Variants in NCR1 observed in about 807,000 individuals in gnomAD.
The protein encoded by NCR1 is natural cytotoxicity triggering receptor 1.
A neutral mutation model predicts 32.5 loss-of-function variants in NCR1; 30 were observed. The observed-to-expected ratio is 0.92, with a 90% CI of 0.69 to 1.25. The LOEUF (loss-of-function observed/expected upper bound fraction) is 1.25. Ranked by LOEUF, NCR1 falls within the 50% of genes most tolerant of loss-of-function variation. NCR1 has a pLI of 0.00. For synonymous variants in NCR1, 169 were observed against 143.4 expected, an observed-to-expected ratio of 1.18 and a Z score of -1.28; for missense variants, 369 against 380.7, an observed-to-expected ratio of 0.97 and a Z score of 0.26.
At chr19:54,930,115 CAAAAAAAAAAAAAAA>C in the NCR1 span, among the ~76,000 whole-genome samples, 3 of 100,564 alleles carry the variant, frequency 3.0e-5, no homozygotes, top group Non-Finnish European at 4.0e-5. Flanking sequence ...GGCTCCGTCT[CAAAAAAAAAAAAAAA>C]AAAAGAAAAC....
chr19:54,933,856 C>T, the NCR1 span: 1 of 899,524 alleles, frequency 1.1e-6, no homozygotes, highest in Non-Finnish European at 1.8e-6. Context: ...CATCCCCTGC[C>T]CTCTGTCCTG....
chr19:54,904,752 G>C (rs188398233), upstream of NCR1, among the ~76,000 whole-genome samples: 1 of 151,930 alleles, frequency 6.6e-6, no homozygotes, highest in Admixed American at 6.6e-5. Flanking sequence ...GGCTGGTCTC[G>C]AACTCCCGAC....
At chr19:54,930,962 G>T in the NCR1 span, among the ~76,000 whole-genome samples, 1 of 152,022 alleles carries the variant, frequency 6.6e-6, no homozygotes, top group African/African-American at 2.4e-5. Context: ...GGCAGAGGCT[G>T]CAGTGAGCTG....
downstream of NCR1, among the ~76,000 whole-genome samples, chr19:54,915,467 C>T (rs1394697049): frequency 1.3e-5 from 2 of 151,970 alleles, no homozygotes; most frequent in Non-Finnish European, 2.9e-5. Flanking sequence ...CTGGCCAACA[C>T]GGTAAAACCC....
chr19:54,909,295 T>A lies in NCR1; in HGVS notation c.406T>A (p.Ser136Thr), dbSNP rs759045498. 113 of 1,614,066 alleles carry A rather than the reference T, an allele frequency of 7.0e-5. 3 individuals are homozygous for A. The South Asian group carries it at 1.2e-3, about 17-fold the overall frequency. The change falls in exon 4 of 7, where the codon TCG (serine) becomes ACG (threonine). Residue 136 changes from serine (S) to threonine (T), a missense_variant. Ser to Thr is a moderately conservative substitution (Grantham distance 58). Transcript: ENST00000291890. ...LSVHPGPEVI[S>T]GEKVTFYCRL... The stretch of plus-strand genomic sequence containing the variant: ...GGTTCATCCTGGACCCGAAGTGATC[T>A]CGGGAGAGAAGGTGACCTTCTACTG...
upstream of NCR1, among the ~76,000 whole-genome samples, chr19:54,905,354 T>C (rs1166870554): frequency 6.6e-6 from 1 of 152,040 alleles, no homozygotes; most frequent in African/African-American, 2.4e-5. Context: ...GAGGATTTAT[T>C]ATTATTATTA....
intron 3 of NCR1, 80 bp from the exon 4 acceptor site, chr19:54,909,165 A>G: frequency 7.3e-7 from 1 of 1,364,440 alleles, no homozygotes; most frequent in East Asian, 2.3e-5. Context: ...GAGAGACTCC[A>G]TCTCTAAAGA....
At chr19:54,911,228 A>T (rs1186710885) in intron 5 of NCR1, among the ~76,000 whole-genome samples, 1 of 151,992 alleles carries the variant, frequency 6.6e-6, no homozygotes, top group Non-Finnish European at 1.5e-5. Context: ...GGGCGCCTGT[A>T]GTCCCAGCTA....
At chr19:54,925,705 A>G in the NCR1 span, among the ~76,000 whole-genome samples, 1 of 152,150 alleles carries the variant, frequency 6.6e-6, no homozygotes, top group East Asian at 1.9e-4. Flanking sequence ...TTACGTTAAA[A>G]TAAGTCACTG....
chr19:54,915,224 T>C (rs1192920647), downstream of NCR1, among the ~76,000 whole-genome samples: 1 of 152,068 alleles, frequency 6.6e-6, no homozygotes, highest in Non-Finnish European at 1.5e-5. Flanking sequence ...GGGAAATATA[T>C]ATCAAATGAG....
At chr19:54,923,916 C>T in the NCR1 span, 3 of 1,605,494 alleles carry the variant, frequency 1.9e-6, no homozygotes, top group African/African-American at 4.0e-5. Flanking sequence ...AATTCATTCT[C>T]AACTACCCAG....
In NCR1 at chr19:54,906,741, A is replaced by C. The variant is rs1371157154; in HGVS notation, c.289A>C (p.Ser97Arg). Reference protein sequence around the residue: ...DMNSRMAGQYSCIYRVGELWS... With the variant: ...DMNSRMAGQYRCIYRVGELWS... ...GAACTCCCGCATGGCAGGGCAATAC[A>C]GCTGCATCTATCGGGTTGGGGAGCT... Residue 97 changes from serine (S) to arginine (R), a missense_variant, in exon 3 of 7, where the codon AGC becomes CGC. Ser to Arg is a moderately radical substitution (Grantham distance 110, BLOSUM62 -1). Coordinates refer to ENST00000291890, the MANE Select transcript of NCR1 (RefSeq NM_004829.7). The C allele has an allele frequency of 6.2e-7, 1 of 1,614,210 alleles. No homozygotes were observed. The highest frequency in any genetic ancestry group is 1.1e-5 in the South Asian group (1 of 91,084).
At chr19:54,935,524 T>C in the NCR1 span, among the ~76,000 whole-genome samples, 6 of 152,042 alleles carry the variant, frequency 3.9e-5, no homozygotes, top group South Asian at 2.1e-4. Flanking sequence ...GGTGAAACCC[T>C]GTCTCTATTA....
At chr19:54,911,005 GA>G (rs1168086729) in intron 5 of NCR1, among the ~76,000 whole-genome samples, 5 of 152,104 alleles carry the variant, frequency 3.3e-5, no homozygotes, top group Admixed American at 6.6e-5. Context: ...GGTTGAAAAT[GA>G]TGTTTGGAAG....
At chr19:54,914,164 CTTT>C (rs533441878), downstream of NCR1, among the ~76,000 whole-genome samples, 1,515 of 124,068 alleles carry the variant, frequency 0.012, 64 homozygotes, top group East Asian at 0.097. Flanking sequence ...TCTTCTCTTC[CTTT>C]TTTTTTTTTT....
the NCR1 span, chr19:54,930,605 C>G: frequency 2.5e-6 from 4 of 1,612,204 alleles, no homozygotes; most frequent in Non-Finnish European, 3.4e-6. Flanking sequence ...AGGCTGCAGG[C>G]TTCTTGGAGC....
chr19:54,918,521 G>A (rs937956922), downstream of NCR1, among the ~76,000 whole-genome samples: 5 of 151,972 alleles, frequency 3.3e-5, no homozygotes, highest in South Asian at 2.1e-4. Flanking sequence ...TGATCGGCCC[G>A]CCTGGGTCTC....
intron 6 of NCR1, 134 bp from the exon 7 acceptor site, chr19:54,912,556 G>A: frequency 2.8e-6 from 2 of 709,404 alleles, no homozygotes; most frequent in South Asian, 2.1e-5. Flanking sequence ...CCGAGATCGT[G>A]CCATTGCACT....
At chr19:54,926,212 G>GTGTA in the NCR1 span, among the ~76,000 whole-genome samples, 1 of 147,030 alleles carries the variant, frequency 6.8e-6, no homozygotes, top group African/African-American at 2.6e-5. Context: ...AGGGGTGTGT[G>GTGTA]TGTGTGTGTG....
Sources: allele counts gnomAD v4.1 joint callset (sites outside exome capture counted in the v4.1 genomes callset), GRCh38; gene constraint gnomAD v4.1.1; transcripts MANE v1.5; gene names NCBI Gene and HGNC (gene_info 2026-07-23, HGNC 2026-07-21).